Variants in TMTC2 observed in about 807,000 individuals in gnomAD.
The protein encoded by TMTC2 is protein O-mannosyl-transferase TMTC2.
A neutral mutation model predicts 82.4 loss-of-function variants in TMTC2; 43 were observed. The observed-to-expected ratio is 0.52, with a 90% CI of 0.41 to 0.67. TMTC2 has a LOEUF of 0.67. TMTC2 is among the 30% of genes least tolerant of loss of function. The pLI is 0.00. For missense variants in TMTC2, 919 were observed against 1,012.4 expected (o/e 0.91, Z 1.25); for synonymous variants, 408 against 381.9 (o/e 1.07, Z -0.80).
chr12:82,825,602 G>A (rs1869373654), intron 1 of TMTC2, among the ~76,000 whole-genome samples: 1 of 152,050 alleles, frequency 6.6e-6, no homozygotes, highest in African/African-American at 2.4e-5. Flanking sequence ...TTTCCACAAT[G>A]TGGTAGGGTG....
At chr12:83,092,681 A>G (rs1883882738) in intron 11 of TMTC2, among the ~76,000 whole-genome samples, 1 of 152,218 alleles carries the variant, frequency 6.6e-6, no homozygotes, top group African/African-American at 2.4e-5. Flanking sequence ...TAGTTCAATC[A>G]AATAGAAATA....
chr12:83,018,900 G>T (rs1880795396), intron 8 of TMTC2, among the ~76,000 whole-genome samples: 1 of 152,150 alleles, frequency 6.6e-6, no homozygotes, highest in South Asian at 2.1e-4. Context: ...CTACGCATCT[G>T]GTCCTTGGAT....
At chr12:82,720,554 C>A (rs1281856219) in intron 1 of TMTC2, among the ~76,000 whole-genome samples, 1 of 152,170 alleles carries the variant, frequency 6.6e-6, no homozygotes, top group African/African-American at 2.4e-5. Context: ...CAATATTTTA[C>A]AAGTTTTTCC....
At chr12:83,038,096 A>T (rs941895641) in intron 9 of TMTC2, among the ~76,000 whole-genome samples, 5 of 135,092 alleles carry the variant, frequency 3.7e-5, no homozygotes, top group African/African-American at 1.4e-4. Context: ...ATGAGAACAC[A>T]TGGACACAGG....
At chr12:82,817,043 C>T (rs1159065733) in intron 1 of TMTC2, among the ~76,000 whole-genome samples, 1 of 150,916 alleles carries the variant, frequency 6.6e-6, no homozygotes, top group Non-Finnish European at 1.5e-5. Flanking sequence ...TCTCGGCTCA[C>T]TGTAACCTCC....
intron 1 of TMTC2, among the ~76,000 whole-genome samples, chr12:82,734,683 T>C (rs1874996884): frequency 6.6e-6 from 1 of 152,082 alleles, no homozygotes; most frequent in South Asian, 2.1e-4. Flanking sequence ...AGTACCAAAA[T>C]CCAACTTGAG....
At chr12:82,826,088 T>C (rs1869405280) in intron 1 of TMTC2, among the ~76,000 whole-genome samples, 1 of 152,250 alleles carries the variant, frequency 6.6e-6, no homozygotes, top group Non-Finnish European at 1.5e-5. Context: ...CAACTTCATT[T>C]TTAAAAAAGA....
At chr12:83,019,057 A>G (rs751276685) in intron 8 of TMTC2, among the ~76,000 whole-genome samples, 2 of 152,186 alleles carry the variant, frequency 1.3e-5, no homozygotes, top group Non-Finnish European at 2.9e-5. Flanking sequence ...ACTCAGCTTA[A>G]AGAATTCTGG....
At chr12:82,778,733 C>CA (rs1301769608) in intron 1 of TMTC2, among the ~76,000 whole-genome samples, 3 of 150,190 alleles carry the variant, frequency 2.0e-5, no homozygotes, top group Non-Finnish European at 4.5e-5. Context: ...CCTGTAGTCC[C>CA]AGCTACTTGG....
intron 7 of TMTC2, among the ~76,000 whole-genome samples, chr12:82,981,686 G>A (rs181957571): frequency 4.0e-5 from 6 of 151,678 alleles, no homozygotes; most frequent in African/African-American, 1.2e-4. Flanking sequence ...GAAAAATTAC[G>A]GTACCAGAGA....
chr12:82,825,726 C>T (rs1007866540), intron 1 of TMTC2, among the ~76,000 whole-genome samples: 2 of 152,000 alleles, frequency 1.3e-5, no homozygotes, highest in African/African-American at 4.8e-5. Context: ...GATACTTTGT[C>T]GAAGATTTAA....
intron 11 of TMTC2, among the ~76,000 whole-genome samples, chr12:83,062,214 A>G (rs1465109978): frequency 6.6e-6 from 1 of 151,718 alleles, no homozygotes; most frequent in Non-Finnish European, 1.5e-5. Context: ...TGATTCTCAT[A>G]TATAGTCAGA....
At chr12:82,881,994 A>ATTTTTTTTT (rs869127384) in intron 2 of TMTC2, among the ~76,000 whole-genome samples, 4 of 107,280 alleles carry the variant, frequency 3.7e-5, no homozygotes, top group East Asian at 2.5e-4. Context: ...TGTTGTTAAG[A>ATTTTTTTTT]TTTTTTTTTT....
At chr12:82,761,761 T>A (rs1172585634) in intron 1 of TMTC2, among the ~76,000 whole-genome samples, 2 of 152,100 alleles carry the variant, frequency 1.3e-5, no homozygotes, top group African/African-American at 4.8e-5. Context: ...CAGTGAAGGG[T>A]TTGCAGTGCA....
intron 2 of TMTC2, among the ~76,000 whole-genome samples, chr12:82,868,228 G>T (rs1252495341): frequency 1.3e-5 from 2 of 152,000 alleles, no homozygotes; most frequent in African/African-American, 4.8e-5. Context: ...TCATTTTATG[G>T]AGCACTCAAT....
At chr12:82,827,701 C>G (rs1262841996) in intron 1 of TMTC2, among the ~76,000 whole-genome samples, 5 of 129,494 alleles carry the variant, frequency 3.9e-5, no homozygotes, top group African/African-American at 1.3e-4. Flanking sequence ...CTTTCTTTCT[C>G]TCTTTCTTTC....
At chr12:82,842,577 G>A (rs1334188805) in intron 1 of TMTC2, among the ~76,000 whole-genome samples, 2 of 152,144 alleles carry the variant, frequency 1.3e-5, no homozygotes, top group African/African-American at 2.4e-5. Context: ...ATATGGTACT[G>A]TCTCTATGGT....
intron 8 of TMTC2, among the ~76,000 whole-genome samples, chr12:83,000,792 AT>A (rs1312809298): frequency 1.3e-5 from 2 of 152,104 alleles, no homozygotes; most frequent in Non-Finnish European, 2.9e-5. Flanking sequence ...CATGCAACAA[AT>A]TTTTGCCTGG....
intron 11 of TMTC2, among the ~76,000 whole-genome samples, chr12:83,093,996 A>G (rs1314033312): frequency 1.3e-5 from 2 of 152,216 alleles, no homozygotes; most frequent in African/African-American, 4.8e-5. Flanking sequence ...GGAGGGAACT[A>G]ATGTAGACTT....
Sources: gnomAD v4.1 joint callset for allele counts (sites outside exome capture counted in the v4.1 genomes callset) on GRCh38, gnomAD v4.1.1 for gene constraint, MANE v1.5 for transcripts, NCBI Gene and HGNC (gene_info 2026-07-23, HGNC 2026-07-21) for gene names.